Variants in FBXO10 observed in about 807,000 individuals in gnomAD.
FBXO10 encodes F-box only protein 10.
Under a neutral mutation model 80.7 loss-of-function variants are expected in FBXO10, and 39 were observed. The observed-to-expected ratio is 0.48, with a 90% confidence interval of 0.37 to 0.63. FBXO10 has a LOEUF of 0.63. Ranked by LOEUF, FBXO10 falls within the 30% of genes least tolerant of loss-of-function variation. The probability of loss-of-function intolerance (pLI) is 0.00; values close to 1 mark genes in which losing one functional copy is unlikely to be tolerated. For missense variants in FBXO10, 1,025 were observed against 1,269.0 expected, an observed-to-expected ratio of 0.81 and a Z score of 2.92; for synonymous variants, 449 against 489.6, an observed-to-expected ratio of 0.92 and a Z score of 1.09.
At chr9:37,562,621 T>C (rs1298047011) in intron 1 of FBXO10, among the ~76,000 whole-genome samples, 1 of 152,244 alleles carries the variant, frequency 6.6e-6, no homozygotes, top group Non-Finnish European at 1.5e-5. Context: ...GCCTGGCGCA[T>C]AGCAGGTGCT....
rs770997936 is a variant in FBXO10, at chr9:37,522,919, G to A, written c.1836C>T (p.Pro612=). 5.7e-6 allele frequency: 9 copies of A among 1,585,382 alleles called. No homozygotes were observed. The African/African-American group carries it at 8.1e-5, about 14-fold the overall frequency. The change falls in exon 7 of 11, where the codon CCC becomes CCT. Residue 612 remains proline (P), a synonymous_variant. Transcript: ENST00000432825. ...GGVDIRRGGI[P]VLRSNLICFG... ...AGCAGATGAGGTTACTCCTGAGAAC[G>A]GGGATCCCTCCACGGCGGATGTCCA...
At chr9:37,540,442 G>T (rs1821882309) in intron 2 of FBXO10, among the ~76,000 whole-genome samples, 2 of 152,108 alleles carry the variant, frequency 1.3e-5, no homozygotes, top group African/African-American at 4.8e-5. Flanking sequence ...CTCCCAAAGT[G>T]CTGGGATTAC....
Position 37,512,725 on chromosome 9 carries a change from G to C in FBXO10, c.2697-4C>G. ...CACCAGGCGCCACGTATCAGACCTG[G>C]AGGTGCAAAACGAAAGTCAGTGAAC... On this transcript the variant is annotated splice_region_variant and splice_polypyrimidine_tract_variant and intron_variant, in intron 10 of 10. Coordinates refer to ENST00000432825, the MANE Select transcript of FBXO10 (RefSeq NM_012166.3). 1 of 1,612,424 alleles carries C rather than the reference G, an allele frequency of 6.2e-7. No homozygotes were observed. The highest frequency in any genetic ancestry group is 8.5e-7 in the Non-Finnish European group (1 of 1,178,850).
chr9:37,573,767 G>A (rs1822821428), intron 1 of FBXO10, among the ~76,000 whole-genome samples: 1 of 152,194 alleles, frequency 6.6e-6, no homozygotes, highest in South Asian at 2.1e-4. Context: ...AGACACACAT[G>A]TTAAACATCT....
At chr9:37,513,079 C>A (rs1038103875) in intron 10 of FBXO10, among the ~76,000 whole-genome samples, 1 of 152,188 alleles carries the variant, frequency 6.6e-6, no homozygotes, top group African/African-American at 2.4e-5. Flanking sequence ...GATCCTCCCA[C>A]CTCAGCCTCC....
In FBXO10 at chr9:37,518,440, T is replaced by A; in HGVS notation, c.2201-2A>T. 6.3e-7 allele frequency: 1 copy of A among 1,580,436 alleles called. No homozygotes were observed. The highest frequency in any genetic ancestry group is 8.6e-7 in the Non-Finnish European group (1 of 1,161,072). ...TGCTCTGGACATAGAGTCCTGAGGC[T>A]ATGGGTGGAAGGGTTGGAAAGCACA... On this transcript the variant is annotated splice_acceptor_variant, in intron 8 of 10. Transcript: ENST00000432825. LOFTEE classifies it high-confidence loss of function.
At chr9:37,522,398 G>A in intron 7 of FBXO10, 1 of 1,021,326 alleles carries the variant, frequency 9.8e-7, no homozygotes, top group South Asian at 4.0e-5. Context: ...ATAGAGTCCA[G>A]ACAGATGAAG....
chr9:37,562,331 T>C (rs1229108624), intron 1 of FBXO10, among the ~76,000 whole-genome samples: 1 of 152,184 alleles, frequency 6.6e-6, no homozygotes, highest in Admixed American at 6.5e-5. Flanking sequence ...AGCTCTCTAA[T>C]GTCTTGGTCG....
intron 10 of FBXO10, among the ~76,000 whole-genome samples, chr9:37,514,777 T>C (rs1821142402): frequency 6.6e-6 from 1 of 152,074 alleles, no homozygotes; most frequent in Admixed American, 6.5e-5. Context: ...GAGGTTGCAG[T>C]GAGCCAAGAT....
Position 37,520,522 on chromosome 9 carries a change from C to CTTTTT in FBXO10, c.2200+1042_2200+1046dup, listed in dbSNP as rs1191753429. 6.4e-4 allele frequency among the ~76,000 whole-genome samples: 53 copies of CTTTTT among 83,394 alleles called. 1 individual carries two copies. Among genetic ancestry groups the CTTTTT allele is most frequent in the East Asian group, 2.5e-3 (6 of 2,366 alleles). The allele number at this position is 83,394 out of a possible 152,430, so 54.7% of individuals were successfully genotyped here. On this transcript the variant is annotated intron_variant, in intron 8 of 10. Coordinates refer to ENST00000432825, the MANE Select transcript of FBXO10 (RefSeq NM_012166.3). The stretch of plus-strand genomic sequence containing the variant: ...TTTTCTTTCTCTACTCCTTCTTCTT[C>CTTTTT]TTTTTTTTTTTTTTTTTTTTTTGTA...
At chr9:37,570,419 G>A (rs1168243415) in intron 1 of FBXO10, among the ~76,000 whole-genome samples, 3 of 151,916 alleles carry the variant, frequency 2.0e-5, no homozygotes, top group Non-Finnish European at 2.9e-5. Context: ...CTTAAATAGA[G>A]AGAATCAAAA....
In FBXO10 at chr9:37,522,824, C is replaced by T; in HGVS notation, c.1930+1G>A. On this transcript the variant is annotated splice_donor_variant, in intron 7 of 10. Transcript: ENST00000432825. LOFTEE classifies it high-confidence loss of function. ...GGCTGGGTTGGGAACAAGCTCCTCACCGTAGATGGTATTTCCTTCTATGAG... is the reference window on the plus strand; with the variant it reads ...GGCTGGGTTGGGAACAAGCTCCTCATCGTAGATGGTATTTCCTTCTATGAG... The T allele has an allele frequency of 1.9e-6, 3 of 1,551,832 alleles. No individual in the cohort carries two copies. Among genetic ancestry groups the T allele is most frequent in the Non-Finnish European group, 2.6e-6 (3 of 1,147,036 alleles).
At chr9:37,526,821 T>TTTTATTTA (rs57803639) in intron 5 of FBXO10, among the ~76,000 whole-genome samples, 254 of 139,790 alleles carry the variant, frequency 1.8e-3, no homozygotes, top group African/African-American at 5.8e-3. Context: ...TTTTAAAATA[T>TTTTATTTA]TTTATTTATT....
At chr9:37,542,966 C>T (rs1161480714) in intron 1 of FBXO10, among the ~76,000 whole-genome samples, 1 of 152,138 alleles carries the variant, frequency 6.6e-6, no homozygotes, top group Non-Finnish European at 1.5e-5. Flanking sequence ...AAGGAAGAGA[C>T]CTCTATCTCT....
Position 37,518,141 on chromosome 9 carries a change from G to A in FBXO10, c.2498C>T (p.Pro833Leu). 1 of 1,613,218 alleles carries A rather than the reference G, an allele frequency of 6.2e-7. No homozygotes were observed. Among genetic ancestry groups the A allele is most frequent in the South Asian group, 1.1e-5 (1 of 90,982 alleles). The change falls in exon 9 of 11, where the codon CCC becomes CTC. Residue 833 changes from proline to leucine, a missense_variant. By Grantham distance (98) the Pro-to-Leu change is moderately conservative. Around this residue, in one of 3 missense-constraint regions of FBXO10, gnomAD observed 478 missense variants for 667.8 expected, o/e 0.72. Coordinates refer to ENST00000432825, the MANE Select transcript of FBXO10 (RefSeq NM_012166.3). ...GNRGSGLQLL[P>L]RSDTKVIKNR... ...CATACTCACTTTAGTGTCGGACCTG[G>A]GCAGCAGCTGCAGCCCGCTGCCCCG...
intron 5 of FBXO10, among the ~76,000 whole-genome samples, chr9:37,526,114 C>A (rs111805557): frequency 8.6e-5 from 13 of 151,776 alleles, no homozygotes; most frequent in African/African-American, 2.9e-4. Flanking sequence ...AATAAAGATA[C>A]AGGAGGGATG....
At position 37,510,983 on chromosome 9, in the gene FBXO10, GGCA is replaced by G. The variant is rs1821036546; in HGVS notation, c.*1561_*1563del. The G allele has an allele frequency of 6.6e-6, 1 of 152,602 alleles. No homozygotes were observed. Among genetic ancestry groups the G allele is most frequent in the Non-Finnish European group, 1.5e-5 (1 of 68,046 alleles). 9.5% of individuals were successfully genotyped at this position (152,602 alleles called of 1,614,324 possible). A position where few individuals can be genotyped will look rare whatever the true frequency, so the allele number is the denominator to read the frequency against. On this transcript the variant is annotated 3_prime_UTR_variant, in exon 11 of 11. Transcript: ENST00000432825. Reference sequence around the variant, plus strand: ...AAGTCATTTCTTAGAAAATAGTAACGGCAGCATTTTTTACAGCGACTCACATTG... The same window carrying G: ...AAGTCATTTCTTAGAAAATAGTAACGGCATTTTTTACAGCGACTCACATTG...
At chr9:37,551,019 A>G (rs948167557) in intron 1 of FBXO10, among the ~76,000 whole-genome samples, 1 of 152,258 alleles carries the variant, frequency 6.6e-6, no homozygotes, top group Non-Finnish European at 1.5e-5. Context: ...ATAAAATCAA[A>G]CAAGCTATGT....
chr9:37,529,127 A>G lies in FBXO10; in HGVS notation c.1703T>C (p.Val568Ala). 6.2e-7 allele frequency: 1 copy of G among 1,613,952 alleles called. No individual in the cohort carries two copies. Among genetic ancestry groups the G allele is most frequent in the South Asian group, 1.1e-5 (1 of 91,068 alleles). The change falls in exon 5 of 11, where the codon GTG becomes GCG. Residue 568 changes from valine to alanine, a missense_variant. This residue lies in a region of FBXO10 where 478 missense variants were observed against 667.8 expected (regional missense o/e 0.72). Coordinates refer to ENST00000432825, the MANE Select transcript of FBXO10 (RefSeq NM_012166.3). ...GGAGGGAAACAGCAGCACACACCTC[A>G]CAACGGGGTTTCCGTGGTACAGGAT... ...IYILYHGNPV[V>A]SGNHIFKGRA...
Sources: gnomAD v4.1 joint callset for allele counts (sites outside exome capture counted in the v4.1 genomes callset) on GRCh38, gnomAD v4.1.1 for gene constraint, gnomAD v4.1.1 regional missense constraint, MANE v1.5 for transcripts, NCBI Gene and HGNC (gene_info 2026-07-23, HGNC 2026-07-21) for gene names.